Variants in MYH11 observed in about 807,000 individuals in gnomAD.
MYH11 encodes myosin heavy chain 11, also known as myosin-11.
In MYH11, 80 loss-of-function variants were observed where a neutral mutation model predicts 246.6. That is an observed-to-expected ratio of 0.32 (90% CI 0.27 to 0.39). The LOEUF is 0.39. MYH11 is among the 10% of genes least tolerant of loss of function. The pLI is 1.00. For synonymous variants in MYH11, 1,071 were observed against 1,015.5 expected (o/e 1.05, Z -1.04); for missense variants, 2,158 against 2,546.8 (o/e 0.85, Z 3.29).
chr16:15,710,693 T>G (rs2039735457), intron 40 of MYH11, among the ~76,000 whole-genome samples: 1 of 151,716 alleles, frequency 6.6e-6, no homozygotes, highest in Non-Finnish European at 1.5e-5. Context: ...TTTTTGTTTT[T>G]TTTTTGGAGA....
At chr16:15,769,041 G>A (rs7196939) in intron 9 of MYH11, among the ~76,000 whole-genome samples, 33,247 of 151,874 alleles carry the variant, frequency 0.22, 3,879 homozygotes, top group East Asian at 0.39. Context: ...GGCCAGGCAC[G>A]GTGGCTCATG....
At chr16:15,776,215 G>C in intron 7 of MYH11, 39 bp from the exon 8 acceptor site, 9 of 1,399,718 alleles carry the variant, frequency 6.4e-6, no homozygotes, top group Non-Finnish European at 9.1e-6. Context: ...GGATACTGCG[G>C]GTGTTCCTCT....
intron 4 of MYH11, among the ~76,000 whole-genome samples, chr16:15,796,261 A>C (rs910331076): frequency 1.3e-5 from 2 of 152,212 alleles, no homozygotes; most frequent in African/African-American, 4.8e-5. Flanking sequence ...TGAACTTTTA[A>C]GTGAACTTTG....
chr16:15,811,054 C>A (rs2043126145), intron 3 of MYH11, among the ~76,000 whole-genome samples: 1 of 152,040 alleles, frequency 6.6e-6, no homozygotes, highest in South Asian at 2.1e-4. Context: ...GGAGGTGGGG[C>A]CTTTGGGAGG....
chr16:15,829,009 C>T (rs1437343231), intron 2 of MYH11, among the ~76,000 whole-genome samples: 1 of 151,832 alleles, frequency 6.6e-6, no homozygotes, highest in Non-Finnish European at 1.5e-5. Context: ...CATGGCAAAA[C>T]CCCGTCTTTA....
Position 15,800,780 on chromosome 16 carries a change from T to C in MYH11, c.503-2093A>G, listed in dbSNP as rs57896490. On this transcript the variant is annotated intron_variant, in intron 3 of 40. Coordinates refer to ENST00000300036, the MANE Select transcript of MYH11 (RefSeq NM_002474.3). Reference sequence around the variant, plus strand: ...AGATTCTATGCCCAACTCCAATCAGTTCTCTCTCTCTTCCCTCGGATTATA... The same window carrying C: ...AGATTCTATGCCCAACTCCAATCAGCTCTCTCTCTCTTCCCTCGGATTATA... 2.3e-3 allele frequency among the ~76,000 whole-genome samples: 354 copies of C among 152,102 alleles called. 2 individuals are homozygous for C. Among genetic ancestry groups the C allele is most frequent in the African/African-American group, 8.4e-3 (348 of 41,510 alleles).
At chr16:15,757,281 C>A (rs2041749702) in intron 13 of MYH11, among the ~76,000 whole-genome samples, 1 of 151,234 alleles carries the variant, frequency 6.6e-6, no homozygotes, top group Non-Finnish European at 1.5e-5. Flanking sequence ...CTCAGCCTCC[C>A]AAATAGCTGG....
intron 40 of MYH11, among the ~76,000 whole-genome samples, chr16:15,707,724 C>T (rs893376673): frequency 2.6e-5 from 4 of 152,166 alleles, no homozygotes; most frequent in African/African-American, 9.7e-5. Context: ...GTAATCCCAG[C>T]ATTTGGGGAG....
In MYH11 at chr16:15,856,963, G is replaced by C. The variant is rs2044492554; in HGVS notation, c.-40C>G. The stretch of plus-strand genomic sequence containing the variant: ...TACAGATCTCCAACTGGGGGGACTA[G>C]TGGAGAGGAAACTGGATGGCGAGCT... On this transcript the variant is annotated 5_prime_UTR_variant, in exon 1 of 41. Transcript: ENST00000300036. The C allele has an allele frequency of 6.6e-6, 1 of 152,364 alleles. No homozygotes were observed. The highest frequency in any genetic ancestry group is 2.4e-5 in the African/African-American group (1 of 41,434). 9.4% of individuals were successfully genotyped at this position (152,364 alleles called of 1,614,324 possible).
intron 40 of MYH11, chr16:15,713,842 G>A (rs888530946): frequency 2.0e-5 from 3 of 152,692 alleles, no homozygotes; most frequent in Non-Finnish European, 2.9e-5. Flanking sequence ...TGCAAGAGGG[G>A]GAACCGGATG....
At chr16:15,722,409 C>G (rs1317725007) in intron 31 of MYH11, among the ~76,000 whole-genome samples, 1 of 152,190 alleles carries the variant, frequency 6.6e-6, no homozygotes, top group African/African-American at 2.4e-5. Context: ...ATCTCATCTT[C>G]AGAGAGAACA....
chr16:15,710,532 AAAAAG>A (rs954953173), intron 40 of MYH11, among the ~76,000 whole-genome samples: 64 of 147,206 alleles, frequency 4.3e-4, no homozygotes, highest in African/African-American at 1.5e-3. Context: ...AATAAATAAT[AAAAAG>A]AAAAGAAATC....
Position 15,758,687 on chromosome 16 carries a change from C to T in MYH11, c.1402-687G>A, listed in dbSNP as rs150160932. On this transcript the variant is annotated intron_variant, in intron 12 of 40. Transcript: ENST00000300036. ...CCAGGCATGGTGGCACTAATCCCAG[C>T]TACTCGAGAGGCTGAGGCAGGAGAA... Among the ~76,000 whole-genome samples the T allele has an allele frequency of 9.1e-3, 1,377 of 151,644 alleles. 25 individuals are homozygous for T. The highest frequency in any genetic ancestry group is 0.032 in the African/African-American group (1,338 of 41,354).
chr16:15,717,672 T>C (rs1172424172), intron 37 of MYH11: 1 of 431,132 alleles, frequency 2.3e-6, no homozygotes, highest in East Asian at 4.8e-5. Context: ...GGCACGTGCC[T>C]GTAGTCCCAG....
rs932085471 is a variant in MYH11, at chr16:15,720,815, G to C, written c.4791+24C>G. 1.9e-6 allele frequency: 3 copies of C among 1,611,582 alleles called. No individual in the cohort carries two copies. The African/African-American group carries it at 4.0e-5, about 22-fold the overall frequency. ...GAAAAAGGCCACCCGACCTCCCTCT[G>C]CTGGCCTCCCCGGCAGCACGCACCT... On this transcript the variant is annotated intron_variant, in intron 33 of 40. Coordinates refer to ENST00000300036, the MANE Select transcript of MYH11 (RefSeq NM_002474.3).
rs1384372336 is a variant in MYH11 at position 15,717,228 on chromosome 16, C to T, written c.5416G>A (p.Gly1806Arg). 1.2e-6 allele frequency: 2 copies of T among 1,614,076 alleles called. No individual in the cohort carries two copies. Among genetic ancestry groups the T allele is most frequent in the Non-Finnish European group, 1.7e-6 (2 of 1,180,050 alleles). Residue 1806 changes from glycine to arginine, a missense_variant, in exon 38 of 41, where the codon GGG (glycine) becomes AGG (arginine). Gly to Arg is a moderately radical substitution (Grantham distance 125). Around this residue, in one of 11 missense-constraint regions of MYH11, gnomAD observed 1,013 missense variants for 993.5 expected, o/e 1.02. Transcript: ENST00000300036. ...GACTTGAACTTGGACTTGACGGCCCCCTCCATCTCGTGGAGCTTGCTCCGG... is the reference window on the plus strand; with the variant it reads ...GACTTGAACTTGGACTTGACGGCCCTCTCCATCTCGTGGAGCTTGCTCCGG... The part of the protein sequence containing the change: ...ELRSKLHEME[G>R]AVKSKFKSTI...
chr16:15,850,159 C>T (rs892932428), intron 1 of MYH11, among the ~76,000 whole-genome samples: 1 of 152,144 alleles, frequency 6.6e-6, no homozygotes, highest in Non-Finnish European at 1.5e-5. Flanking sequence ...CCGAGGCAGG[C>T]GGATAACCTG....
At chr16:15,803,258 C>G (rs2042930437) in intron 3 of MYH11, among the ~76,000 whole-genome samples, 1 of 149,998 alleles carries the variant, frequency 6.7e-6, no homozygotes, top group Non-Finnish European at 1.5e-5. Flanking sequence ...GAGGACAGAG[C>G]AAAATGGGAA....
In MYH11 at chr16:15,726,948, T is replaced by A; in HGVS notation, c.3758A>T (p.Lys1253Met). ...CACCTGCGCCTCCAGCTTCTTCTTC[T>A]TATGTTCCACCTCCTGCTTGGCCTG... is the stretch of plus-strand genomic sequence containing the variant. Reference protein sequence around the residue: ...LGQAKQEVEHKKKKLEAQVQE... With the variant: ...LGQAKQEVEHMKKKLEAQVQE... The change falls in exon 28 of 41, where the codon AAG (lysine) becomes ATG (methionine). Residue 1253 changes from lysine to methionine, a missense_variant. This residue lies in a region of MYH11 where 1,013 missense variants were observed against 993.5 expected (regional missense o/e 1.02). Coordinates refer to ENST00000300036, the MANE Select transcript of MYH11 (RefSeq NM_002474.3). 6.2e-7 allele frequency: 1 copy of A among 1,613,450 alleles called. No individual in the cohort carries two copies. Among genetic ancestry groups the A allele is most frequent in the South Asian group, 1.1e-5 (1 of 91,072 alleles).
Sources: gnomAD v4.1 joint callset for allele counts (sites outside exome capture counted in the v4.1 genomes callset) on GRCh38, gnomAD v4.1.1 for gene constraint, gnomAD v4.1.1 regional missense constraint, MANE v1.5 for transcripts, NCBI Gene and HGNC (gene_info 2026-07-23, HGNC 2026-07-21) for gene names.